The following AR variants were observed in gnomAD, a reference collection of about 807,000 sequenced individuals.
AR encodes dihydrotestosterone receptor.
A neutral mutation model predicts 53.9 loss-of-function variants in AR; 8 were observed. The observed-to-expected ratio is 0.15, with a 90% CI of 0.09 to 0.27. The LOEUF (loss-of-function observed/expected upper bound fraction) is 0.27, where lower values mean the gene tolerates loss of function less well. Among genes scored for constraint, AR ranks in the 10% least tolerant of loss-of-function variants. The probability of loss-of-function intolerance (pLI) is 1.00; values close to 1 mark genes in which losing one functional copy is unlikely to be tolerated. For missense variants in AR, 639 were observed against 742.5 expected (o/e 0.86, Z 1.62); for synonymous variants, 359 against 316.4 (o/e 1.13, Z -1.43).
chrX:67,714,304 AG>A (rs927116655), intron 4 of AR, among the ~76,000 whole-genome samples: 2 of 112,275 alleles, frequency 1.8e-5, no homozygotes, highest in Non-Finnish European at 3.8e-5. Flanking sequence ...GTCAACAAAA[AG>A]ATTATGTATA....
Position 67,685,946 on chromosome X carries a change from C to T in AR, c.1769-64C>T, listed in dbSNP as rs756466415. 2.5e-6 allele frequency: 3 copies of T among 1,200,312 alleles called. No individual in the cohort carries two copies. In the East Asian group the frequency reaches 9.0e-5, roughly 36 times the overall value. On this transcript the variant is annotated intron_variant, in intron 2 of 7. Transcript: ENST00000374690. ...TCATATCTTTTCTGTTCTAGAAATA[C>T]CCGAAGAAAGAGACTCTGGAAACTC...
rs1474400151 is a variant in AR, at chrX:67,546,174, C to T, written c.1028C>T (p.Ser343Phe). 8.2e-7 allele frequency: 1 copy of T among 1,212,196 alleles called. No homozygotes were observed. The highest frequency in any genetic ancestry group is 2.2e-5 in the Admixed American group (1 of 46,175). The change falls in exon 1 of 8, where the codon TCT becomes TTT. Residue 343 changes from serine to phenylalanine, a missense_variant. This residue lies in a region of AR where 423 missense variants were observed against 377.0 expected (regional missense o/e 1.12). Transcript: ENST00000374690. ...AGCTCCGGGACACTTGAACTGCCGT[C>T]TACCCTGTCTCTCTACAAGTCCGGA... ...AGSSGTLELP[S>F]TLSLYKSGAL...
intron 1 of AR, among the ~76,000 whole-genome samples, chrX:67,599,504 C>G (rs1833921440): frequency 9.0e-6 from 1 of 111,546 alleles, no homozygotes; most frequent in African/African-American, 3.3e-5. Context: ...TTCCAGTTAC[C>G]AGAATGTAAG....
intron 1 of AR, among the ~76,000 whole-genome samples, chrX:67,592,518 A>G (rs1320882171): frequency 9.0e-6 from 1 of 110,921 alleles, no homozygotes; most frequent in Non-Finnish European, 1.9e-5. Context: ...GGAACTTTTG[A>G]AAGGAAGATG....
At chrX:67,667,100 T>C (rs1250049976) in intron 2 of AR, among the ~76,000 whole-genome samples, 1 of 111,809 alleles carries the variant, frequency 8.9e-6, no homozygotes, top group African/African-American at 3.3e-5. Context: ...TAGTTGCCTG[T>C]GCTGGTGCGG....
At chrX:67,563,949 G>T (rs1921446358) in intron 1 of AR, among the ~76,000 whole-genome samples, 1 of 111,446 alleles carries the variant, frequency 9.0e-6, no homozygotes, top group Non-Finnish European at 1.9e-5. Context: ...AAAATTACTG[G>T]GCAGGAATTT....
chrX:67,697,243 A>G (rs1406705273), intron 3 of AR, among the ~76,000 whole-genome samples: 1 of 111,719 alleles, frequency 9.0e-6, no homozygotes, highest in Admixed American at 9.5e-5. Context: ...CTCTTATGTT[A>G]CATTTCAGTC....
At chrX:67,704,424 G>C (rs1054161426) in intron 3 of AR, among the ~76,000 whole-genome samples, 1 of 111,601 alleles carries the variant, frequency 9.0e-6, no homozygotes, top group Non-Finnish European at 1.9e-5. Flanking sequence ...TCATGTGTCT[G>C]TTGGCTGCAT....
At chrX:67,705,766 G>T (rs1304333474) in intron 3 of AR, among the ~76,000 whole-genome samples, 1 of 111,555 alleles carries the variant, frequency 9.0e-6, no homozygotes, top group East Asian at 2.8e-4. Context: ...TATTCAGTAT[G>T]ATATTGGCTG....
intron 3 of AR, chrX:67,694,671 A>G (rs1193293428): frequency 2.9e-5 from 33 of 1,152,584 alleles, no homozygotes; most frequent in Non-Finnish European, 3.4e-5. Context: ...CTTTCATACT[A>G]GAAAAATTCC....
rs2147318213 is a variant in AR at position 67,545,894 on chromosome X, G to C, written c.748G>C (p.Gly250Arg). 1 of 1,212,162 alleles carries C rather than the reference G, an allele frequency of 8.2e-7. No homozygotes were observed. The highest frequency in any genetic ancestry group is 1.1e-6 in the Non-Finnish European group (1 of 895,573). Reference sequence around the variant, plus strand: ...GGCAGTGTCGGTGTCCATGGGCCTGGGTGTGGAGGCGTTGGAGCATCTGAG... The same window carrying C: ...GGCAGTGTCGGTGTCCATGGGCCTGCGTGTGGAGGCGTTGGAGCATCTGAG... ...CKAVSVSMGL[G>R]VEALEHLSPG... The change falls in exon 1 of 8, where the codon GGT (glycine) becomes CGT (arginine). Residue 250 changes from glycine (G) to arginine (R), a missense_variant. This residue lies in a region of AR where 423 missense variants were observed against 377.0 expected (regional missense o/e 1.12). Coordinates refer to ENST00000374690, the MANE Select transcript of AR (RefSeq NM_000044.6).
At chrX:67,631,694 C>T (rs1925130011) in intron 1 of AR, among the ~76,000 whole-genome samples, 1 of 112,540 alleles carries the variant, frequency 8.9e-6, no homozygotes, top group Non-Finnish European at 1.9e-5. Context: ...GAACTGCGTT[C>T]CTTTGGAGGA....
At chrX:67,586,470 T>C (rs748650937) in intron 1 of AR, among the ~76,000 whole-genome samples, 22 of 112,389 alleles carry the variant, frequency 2.0e-4, no homozygotes, top group Non-Finnish European at 4.1e-4. Context: ...CACTTCTTCC[T>C]GTGATTAGTC....
chrX:67,653,303 C>T (rs766370843), intron 2 of AR, among the ~76,000 whole-genome samples: 2 of 112,052 alleles, frequency 1.8e-5, no homozygotes, highest in East Asian at 2.8e-4. Flanking sequence ...TAGTCAGTGG[C>T]TATGTGATGA....
intron 2 of AR, among the ~76,000 whole-genome samples, chrX:67,667,687 C>T (rs1183030181): frequency 9.0e-6 from 1 of 111,421 alleles, no homozygotes; most frequent in Non-Finnish European, 1.9e-5. Context: ...TTCTTGAAAT[C>T]CACGAACATG....
At chrX:67,659,975 G>A (rs991782489) in intron 2 of AR, among the ~76,000 whole-genome samples, 3 of 112,066 alleles carry the variant, frequency 2.7e-5, no homozygotes, top group African/African-American at 9.7e-5. Context: ...GTGATGATGA[G>A]CATTTTTTCA....
chrX:67,674,321 G>A (rs942116672), intron 2 of AR, among the ~76,000 whole-genome samples: 1 of 109,807 alleles, frequency 9.1e-6, no homozygotes, highest in African/African-American at 3.3e-5. Context: ...CTCGCCCAAC[G>A]CCCACAGAGA....
intron 3 of AR, among the ~76,000 whole-genome samples, chrX:67,694,330 C>T (rs1016152665): frequency 3.6e-5 from 4 of 110,011 alleles, no homozygotes; most frequent in African/African-American, 9.9e-5. Flanking sequence ...CCTACATCTT[C>T]TCACTCCCCA....
chrX:67,631,293 T>C (rs1925089809), intron 1 of AR, among the ~76,000 whole-genome samples: 1 of 111,864 alleles, frequency 8.9e-6, no homozygotes, highest in Admixed American at 9.5e-5. Context: ...GACATAGATT[T>C]GGTCTTTTCC....
Sources: allele counts gnomAD v4.1 joint callset (sites outside exome capture counted in the v4.1 genomes callset), GRCh38; gene constraint gnomAD v4.1.1; regional missense constraint gnomAD v4.1.1; transcripts MANE v1.5; gene names NCBI Gene and HGNC (gene_info 2026-07-23, HGNC 2026-07-21).